The following DDX50 variants were observed in gnomAD, a reference collection of about 807,000 sequenced individuals.
The protein encoded by DDX50 is ATP-dependent RNA helicase DDX50.
A neutral mutation model predicts 94.8 loss-of-function variants in DDX50; 56 were observed. That is an observed-to-expected ratio of 0.59 (90% CI 0.48 to 0.74). The LOEUF is 0.74. Among genes scored for constraint, DDX50 ranks in the 30% least tolerant of loss-of-function variants. The pLI is 0.00. For synonymous variants in DDX50, 264 were observed against 295.4 expected, an observed-to-expected ratio of 0.89 and a Z score of 1.09; for missense variants, 713 against 881.2, an observed-to-expected ratio of 0.81 and a Z score of 2.42.
intron 8 of DDX50, among the ~76,000 whole-genome samples, chr10:68,921,622 C>G (rs10740315): frequency 0.94 from 142,863 of 152,266 alleles, 67,075 homozygotes; most frequent in East Asian, 0.99. Flanking sequence ...CCTTATGTCA[C>G]TGTCTCTCCA....
Position 68,934,269 on chromosome 10 carries a change from G to A in DDX50, c.1310G>A (p.Gly437Asp). ...ATTACACTAAAAGGCTTCAGAGAAGGTAGTTTTAAAGTTTTGGTGGCAACC... is the reference window on the plus strand; with the variant it reads ...ATTACACTAAAAGGCTTCAGAGAAGATAGTTTTAAAGTTTTGGTGGCAACC... The part of the protein sequence containing the change: ...REITLKGFRE[G>D]SFKVLVATNV... Residue 437 changes from glycine to aspartate, a missense_variant, in exon 9 of 15, where the codon GGT (glycine) becomes GAT (aspartate). By Grantham distance (94) the Gly-to-Asp change is moderately conservative (BLOSUM62 -1). Transcript: ENST00000373585. The surrounding 1 kb of genome is among the most constrained non-coding windows in gnomAD (Gnocchi z 4.0). The A allele has an allele frequency of 6.2e-7, 1 of 1,613,246 alleles. No homozygotes were observed. The highest frequency in any genetic ancestry group is 1.1e-5 in the South Asian group (1 of 91,034).
At chr10:68,945,878 A>G (rs1039718684) in intron 14 of DDX50, among the ~76,000 whole-genome samples, 1 of 152,168 alleles carries the variant, frequency 6.6e-6, no homozygotes, top group African/African-American at 2.4e-5. Context: ...TTGTGCTGAG[A>G]TACCAAATAG....
chr10:68,940,316 G>A (rs1454922240), intron 12 of DDX50, among the ~76,000 whole-genome samples: 2 of 151,704 alleles, frequency 1.3e-5, no homozygotes, highest in South Asian at 4.2e-4. Flanking sequence ...AAGGTTGAGG[G>A]TGCAGTGAGC....
chr10:68,905,951 T>TA (rs1398137830), intron 1 of DDX50, among the ~76,000 whole-genome samples: 1 of 152,172 alleles, frequency 6.6e-6, no homozygotes, highest in Non-Finnish European at 1.5e-5. Context: ...GCAAAGGTAA[T>TA]ACAGGTTCAC....
At chr10:68,926,471 C>G (rs1042630877) in intron 8 of DDX50, among the ~76,000 whole-genome samples, 5 of 151,898 alleles carry the variant, frequency 3.3e-5, no homozygotes, top group Admixed American at 6.6e-5. Flanking sequence ...ATAGAAAGTA[C>G]TAGTAGTATC....
chr10:68,925,322 C>T (rs1281998959), intron 8 of DDX50, among the ~76,000 whole-genome samples: 1 of 151,560 alleles, frequency 6.6e-6, no homozygotes, highest in East Asian at 2.0e-4. Context: ...ATTTGTCAGG[C>T]TGGTCTCGAA....
At chr10:68,905,142 C>T (rs1013964839) in intron 1 of DDX50, among the ~76,000 whole-genome samples, 5 of 152,132 alleles carry the variant, frequency 3.3e-5, no homozygotes, top group Admixed American at 2.0e-4. Context: ...TCTTGAACTC[C>T]TGACCTCAGG....
At chr10:68,922,711 T>A (rs1379032910) in intron 8 of DDX50, among the ~76,000 whole-genome samples, 1 of 151,910 alleles carries the variant, frequency 6.6e-6, no homozygotes, top group African/African-American at 2.4e-5. Context: ...GAGAACTTCA[T>A]GAGGCCAGGA....
rs1436675430 is a variant in DDX50, at chr10:68,934,066, C to T, written c.1240-133C>T. 4.1e-6 allele frequency: 3 copies of T among 723,062 alleles called. No homozygotes were observed. Among genetic ancestry groups the T allele is most frequent in the Non-Finnish European group, 5.9e-6 (3 of 507,628 alleles). 44.8% of individuals were successfully genotyped at this position (723,062 alleles called of 1,614,324 possible). Reference sequence around the variant, plus strand: ...TGTCATGTTTGACTTTTTTTTTTTACAGTAAGCATGCATTGTTAAAATCAT... The same window carrying T: ...TGTCATGTTTGACTTTTTTTTTTTATAGTAAGCATGCATTGTTAAAATCAT... On this transcript the variant is annotated intron_variant, in intron 8 of 14. Transcript: ENST00000373585. This position sits in a 1 kb window ranked among gnomAD's most constrained non-coding sequence, Gnocchi z 4.0.
At chr10:68,945,450 G>T (rs1272479872) in intron 14 of DDX50, among the ~76,000 whole-genome samples, 1 of 152,046 alleles carries the variant, frequency 6.6e-6, no homozygotes, top group Non-Finnish European at 1.5e-5. Flanking sequence ...GGGATTACAG[G>T]CGCCCACCAC....
chr10:68,946,382 T>C lies in DDX50; in HGVS notation c.1966T>C (p.Ser656Pro). The C allele has an allele frequency of 6.2e-7, 1 of 1,614,000 alleles. No individual in the cohort carries two copies. Among genetic ancestry groups the C allele is most frequent in the Non-Finnish European group, 8.5e-7 (1 of 1,179,858 alleles). The change falls in exon 15 of 15, where the codon TCA becomes CCA. Residue 656 changes from serine to proline, a missense_variant. Coordinates refer to ENST00000373585, the MANE Select transcript of DDX50 (RefSeq NM_024045.2). Reference sequence around the variant, plus strand: ...GTGGCATGATTCCGACTGGATACTCTCAGTGCCAGCCAAATTACCTGAAAT... The same window carrying C: ...GTGGCATGATTCCGACTGGATACTCCCAGTGCCAGCCAAATTACCTGAAAT... ...AEWHDSDWILSVPAKLPEIEE... is the reference protein window; with the variant it reads ...AEWHDSDWILPVPAKLPEIEE...
At chr10:68,933,067 GTTTGTTTT>G (rs1842313557) in intron 8 of DDX50, among the ~76,000 whole-genome samples, 1 of 141,150 alleles carries the variant, frequency 7.1e-6, no homozygotes, top group South Asian at 2.2e-4. Flanking sequence ...TTGTTTGTTT[GTTTGTTTT>G]TTTTTTTTTT....
chr10:68,932,869 A>G (rs1357327687), intron 8 of DDX50, among the ~76,000 whole-genome samples: 1 of 152,202 alleles, frequency 6.6e-6, no homozygotes, highest in Admixed American at 6.5e-5. Flanking sequence ...TAGAGTATTG[A>G]AGAATAAAAG....
At chr10:68,908,068 G>A (rs1841508652) in intron 2 of DDX50, among the ~76,000 whole-genome samples, 1 of 152,106 alleles carries the variant, frequency 6.6e-6, no homozygotes, top group Non-Finnish European at 1.5e-5. Context: ...TAGACATTTG[G>A]TTTAAATAAA....
At chr10:68,933,648 A>T (rs921941932) in intron 8 of DDX50, among the ~76,000 whole-genome samples, 5 of 151,546 alleles carry the variant, frequency 3.3e-5, no homozygotes, top group Non-Finnish European at 5.9e-5. Flanking sequence ...TAAAAAAAAA[A>T]AGTGGCCGGG....
At chr10:68,939,055 G>A in intron 12 of DDX50, among the ~76,000 whole-genome samples, 1 of 152,068 alleles carries the variant, frequency 6.6e-6, no homozygotes, top group Non-Finnish European at 1.5e-5. Context: ...AATGTTTTTG[G>A]CAAGGGTACT....
chr10:68,935,929 C>T (rs931694746), intron 10 of DDX50, 77 bp from the exon 11 acceptor site: 14 of 945,660 alleles, frequency 1.5e-5, no homozygotes, highest in East Asian at 5.5e-5. Flanking sequence ...AGAAATTCAA[C>T]GAACTATTAA....
chr10:68,908,177 G>A (rs914964862), intron 2 of DDX50, among the ~76,000 whole-genome samples: 3 of 152,050 alleles, frequency 2.0e-5, no homozygotes, highest in African/African-American at 4.8e-5. Flanking sequence ...TAGGCTGGGC[G>A]CAGTGGCTCA....
intron 8 of DDX50, among the ~76,000 whole-genome samples, chr10:68,929,153 G>C (rs563286497): frequency 6.0e-4 from 91 of 152,036 alleles, no homozygotes; most frequent in Middle Eastern, 3.4e-3. Context: ...TGCCATGTTG[G>C]CCAGGCTGGT....
Sources: allele counts gnomAD v4.1 joint callset (sites outside exome capture counted in the v4.1 genomes callset), GRCh38; gene constraint gnomAD v4.1.1; non-coding constraint Gnocchi (gnomAD v3.1); transcripts MANE v1.5; gene names NCBI Gene and HGNC (gene_info 2026-07-23, HGNC 2026-07-21).